The following CC2D2A variants were observed in gnomAD, a reference collection of about 807,000 sequenced individuals.
The protein encoded by CC2D2A is coiled-coil and C2 domain containing 2A.
Under a neutral mutation model 212.9 loss-of-function variants are expected in CC2D2A, and 155 were observed. The observed-to-expected ratio is 0.73, with a 90% CI of 0.64 to 0.83. The LOEUF is 0.83. CC2D2A is among the 40% of genes least tolerant of loss of function. The pLI, the probability that CC2D2A is intolerant of heterozygous loss-of-function variation, is 0.00. For missense variants in CC2D2A, 1,856 were observed against 1,956.2 expected (o/e 0.95, Z 0.97); for synonymous variants, 667 against 686.5 (o/e 0.97, Z 0.44).
Position 15,563,485 on chromosome 4 carries a change from C to T in CC2D2A, c.3145C>T (p.Arg1049Ter), listed in dbSNP as rs386833750. The part of the protein sequence containing the change: ...GDIKLLVNIV[R>*]AYDIPVRKPA... ...CATAAAGCTGCTGGTGAACATTGTG[C>T]GAGCTTACGACATTCCAGTGAGGAA... Residue 1049 changes from arginine to a stop codon, truncating the protein, a stop_gained, in exon 24 of 37, where the codon CGA becomes TGA. Transcript: ENST00000424120. LOFTEE classifies it high-confidence loss of function. 33 of 1,612,090 alleles carry T rather than the reference C, an allele frequency of 2.0e-5. No homozygotes were observed. Among genetic ancestry groups the T allele is most frequent in the Admixed American group, 1.5e-4 (9 of 59,802 alleles).
chr4:15,595,018 C>G (rs1721258822), intron 33 of CC2D2A, among the ~76,000 whole-genome samples: 1 of 152,078 alleles, frequency 6.6e-6, no homozygotes, highest in Non-Finnish European at 1.5e-5. Flanking sequence ...TCTCACTATG[C>G]TGTCCAGACT....
intron 18 of CC2D2A, among the ~76,000 whole-genome samples, chr4:15,551,825 T>A (rs1040007121): frequency 6.6e-6 from 1 of 152,198 alleles, no homozygotes; most frequent in Non-Finnish European, 1.5e-5. Flanking sequence ...TGCTTCCTCA[T>A]GTGTCTGTTT....
intron 16 of CC2D2A, among the ~76,000 whole-genome samples, chr4:15,540,368 C>A (rs1156488960): frequency 6.6e-6 from 1 of 151,914 alleles, no homozygotes; most frequent in Non-Finnish European, 1.5e-5. Context: ...ATTGAACATT[C>A]ACTTACTGTC....
rs761690020 is a variant in CC2D2A at position 15,601,424 on chromosome 4, A to G, written c.4862A>G (p.Ter1621=). 2.7e-6 allele frequency: 4 copies of G among 1,460,256 alleles called. No individual in the cohort carries two copies. The highest frequency in any genetic ancestry group is 2.7e-6 in the Non-Finnish European group (3 of 1,100,586). The allele number at this position is 1,460,256 out of a possible 1,614,324, so 90.5% of individuals were successfully genotyped here. The change falls in exon 37 of 37, where the codon TAA becomes TGA. Residue 1621 remains the stop codon, a stop_retained_variant. Coordinates refer to ENST00000424120, the MANE Select transcript of CC2D2A (RefSeq NM_001378615.1). ...IYVASLIRNR[*] Reference sequence around the variant, plus strand: ...GTTGCCTCTCTTATACGCAACAGGTAATTTTTTTCACTGTACTTTCTGTAT... The same window carrying G: ...GTTGCCTCTCTTATACGCAACAGGTGATTTTTTTCACTGTACTTTCTGTAT...
chr4:15,471,420 C>T (rs1713807691), intron 1 of CC2D2A, among the ~76,000 whole-genome samples: 1 of 152,140 alleles, frequency 6.6e-6, no homozygotes, highest in South Asian at 2.1e-4. Context: ...AGGTCTTTCT[C>T]ATGACTCCTC....
chr4:15,557,812 G>A (rs1271018276), intron 21 of CC2D2A, among the ~76,000 whole-genome samples: 1 of 152,156 alleles, frequency 6.6e-6, no homozygotes, highest in Non-Finnish European at 1.5e-5. Flanking sequence ...TAATAATATG[G>A]CTAGTTAATT....
chr4:15,496,592 G>T (rs1256131795), intron 4 of CC2D2A, among the ~76,000 whole-genome samples: 1 of 152,056 alleles, frequency 6.6e-6, no homozygotes, highest in Admixed American at 6.6e-5. Context: ...CAAGCGATAT[G>T]ATTCTATACC....
intron 24 of CC2D2A, among the ~76,000 whole-genome samples, chr4:15,566,260 C>T (rs77535344): frequency 0.012 from 1,898 of 152,274 alleles, 24 homozygotes; most frequent in Middle Eastern, 0.044. Flanking sequence ...ATCCCTGCAC[C>T]TCCCTTTCCT....
chr4:15,479,404 GA>G, intron 3 of CC2D2A: 1 of 1,165,048 alleles, frequency 8.6e-7, no homozygotes, highest in East Asian at 2.6e-5. Flanking sequence ...GCTCTGCTTG[GA>G]ACAATCAAGA....
intron 1 of CC2D2A, among the ~76,000 whole-genome samples, chr4:15,475,460 C>A (rs1714140465): frequency 6.6e-6 from 1 of 151,928 alleles, no homozygotes; most frequent in Non-Finnish European, 1.5e-5. Context: ...AGGAGGGGCC[C>A]CATGGGACAT....
intron 8 of CC2D2A, among the ~76,000 whole-genome samples, chr4:15,513,981 C>T (rs535494473): frequency 8.8e-4 from 134 of 151,744 alleles, no homozygotes; most frequent in African/African-American, 3.1e-3. Flanking sequence ...TAAATGGACA[C>T]CAGGTTTAAA....
rs1324716207 is a variant in CC2D2A, at chr4:15,557,300, A to G, written c.2626-4A>G. ...TGGAGTTTTGCATTTTCCGTTTTTT[A>G]TAGGTTGCTACCAGTGGTGAATCCT... On this transcript the variant is annotated splice_polypyrimidine_tract_variant and splice_region_variant and intron_variant, in intron 20 of 36. Transcript: ENST00000424120. 5.0e-6 allele frequency: 8 copies of G among 1,598,702 alleles called. No individual in the cohort carries two copies. The highest frequency in any genetic ancestry group is 4.0e-5 in the African/African-American group (3 of 74,078).
In CC2D2A at chr4:15,516,335, T is replaced by G. The variant is rs1469466538; in HGVS notation, c.1018-290T>G. The stretch of plus-strand genomic sequence containing the variant: ...TCACTTTTGAGTTTTTATTCTGTGT[T>G]TTTTTTTCTTAAATGTTTAATTAAT... On this transcript the variant is annotated intron_variant, in intron 10 of 36. Transcript: ENST00000424120. 3.9e-5 allele frequency among the ~76,000 whole-genome samples: 6 copies of G among 152,102 alleles called. No individual in the cohort carries two copies. The East Asian group carries it at 1.2e-3, about 29-fold the overall frequency.
intron 12 of CC2D2A, 150 bp downstream of exon 12, chr4:15,527,806 CA>C: frequency 1.5e-6 from 1 of 653,952 alleles, no homozygotes; most frequent in Non-Finnish European, 2.6e-6. Context: ...CAGCTAGAGA[CA>C]AAAGGGAAAG....
chr4:15,565,368 T>C (rs1373817890), intron 24 of CC2D2A, among the ~76,000 whole-genome samples: 1 of 151,350 alleles, frequency 6.6e-6, no homozygotes, highest in Non-Finnish European at 1.5e-5. Flanking sequence ...CCCAAGTCTT[T>C]ACCATTTACC....
intron 6 of CC2D2A, among the ~76,000 whole-genome samples, chr4:15,509,880 T>C (rs1323306200): frequency 6.6e-6 from 1 of 152,220 alleles, no homozygotes; most frequent in South Asian, 2.1e-4. Flanking sequence ...TATTTTTTTA[T>C]GTAAACATAA....
chr4:15,592,552 CT>C (rs912258195), intron 33 of CC2D2A, among the ~76,000 whole-genome samples: 17 of 152,300 alleles, frequency 1.1e-4, no homozygotes, highest in Admixed American at 1.0e-3. Flanking sequence ...TGAAAAAACA[CT>C]TTCCCCCTCC....
rs769893581 is a variant in CC2D2A, at chr4:15,601,266, T to C, written c.4704T>C (p.Tyr1568=). Residue 1568 remains tyrosine (Y), a synonymous_variant, in exon 37 of 37, where the codon TAT becomes TAC. Transcript: ENST00000424120. ...RFSGFPLHMP[Y]SEVKPLIDAV... ...CTGGATTTCCTCTTCACATGCCTTA[T>C]TCTGAAGTGAAGCCTTTAATTGACG... 1 of 1,613,092 alleles carries C rather than the reference T, an allele frequency of 6.2e-7. No homozygotes were observed.
In CC2D2A at chr4:15,579,973, G is replaced by A; in HGVS notation, c.3777G>A (p.Glu1259=). ...TGAAGTCTTTCTTTTTGAAGTTTGA[G>A]TCTCAGGAAGATGAGAAATTACTTC... ...VPGESIREKF[E]SQEDEKLLQA... is the part of the protein sequence containing the mutation. The change falls in exon 30 of 37, where the codon GAG becomes GAA. Residue 1259 remains glutamate (E), a synonymous_variant. Coordinates refer to ENST00000424120, the MANE Select transcript of CC2D2A (RefSeq NM_001378615.1). 6.2e-7 allele frequency: 1 copy of A among 1,612,254 alleles called. No homozygotes were observed. Among genetic ancestry groups the A allele is most frequent in the South Asian group, 1.1e-5 (1 of 91,016 alleles).
Sources: allele counts gnomAD v4.1 joint callset (sites outside exome capture counted in the v4.1 genomes callset), GRCh38; gene constraint gnomAD v4.1.1; transcripts MANE v1.5; gene names NCBI Gene and HGNC (gene_info 2026-07-23, HGNC 2026-07-21).